TIMP4: variants seen among roughly 807,000 people sequenced by gnomAD.
The protein encoded by TIMP4 is TIMP metallopeptidase inhibitor 4, also known as metalloproteinase inhibitor 4.
A neutral mutation model predicts 27.3 loss-of-function variants in TIMP4; 28 were observed. The ratio of observed to expected loss-of-function variants is 1.03; its 90% CI spans 0.76 to 1.41. The LOEUF (loss-of-function observed/expected upper bound fraction) is 1.41, where lower values mean the gene tolerates loss of function less well. TIMP4 is among the 40% of genes most tolerant of loss of function. The probability of loss-of-function intolerance (pLI) is 0.00; values close to 1 mark genes in which losing one functional copy is unlikely to be tolerated. For missense variants in TIMP4, 307 were observed against 285.5 expected, an observed-to-expected ratio of 1.08 and a Z score of -0.54; for synonymous variants, 138 against 115.5, an observed-to-expected ratio of 1.20 and a Z score of -1.25.
chr3:12,158,804 G>A lies in TIMP4; in HGVS notation c.37C>T (p.Leu13=). 6.2e-7 allele frequency: 1 copy of A among 1,601,392 alleles called. No individual in the cohort carries two copies. Among genetic ancestry groups the A allele is most frequent in the Non-Finnish European group, 8.5e-7 (1 of 1,177,322 alleles). ...AGCAACGCCAGCAGCCGCAGCAACA[G>A]CACCCAGCTTGGCGCGGGCCGAGGG... The part of the protein sequence containing the change: ...GSPRPAPSWV[L]LLRLLALLRP... Residue 13 remains leucine, a synonymous_variant, in exon 1 of 5, where the codon CTG becomes TTG. Coordinates refer to ENST00000287814, the MANE Select transcript of TIMP4 (RefSeq NM_003256.4).
chr3:12,158,629 T>A, intron 1 of TIMP4, 73 bp downstream of exon 1: 1 of 1,584,486 alleles, frequency 6.3e-7, no homozygotes, highest in Non-Finnish European at 8.6e-7. Context: ...TCTGGACTCC[T>A]GGTGTACTGC....
Position 12,153,472 on chromosome 3 carries a change from A to G in TIMP4, c.*43T>C, listed in dbSNP as rs1245112129. The G allele has an allele frequency of 6.2e-7, 1 of 1,606,620 alleles. No homozygotes were observed. Among genetic ancestry groups the G allele is most frequent in the Non-Finnish European group, 8.5e-7 (1 of 1,175,080 alleles). ...TCTGCAGGGAAGGAGAACTGGCTTG[A>G]TCTTCAGGACTCTTGAAGGGATGTG... On this transcript the variant is annotated 3_prime_UTR_variant, in exon 5 of 5. Transcript: ENST00000287814.
Position 12,158,788 on chromosome 3 carries a change from A to T in TIMP4, c.53T>A (p.Leu18Gln). ...CAGCCCCGGGGGCCGCAGCAACGCC[A>T]GCAGCCGCAGCAACAGCACCCAGCT... ...APSWVLLLRL[L>Q]ALLRPPGLGE... The change falls in exon 1 of 5, where the codon CTG (leucine) becomes CAG (glutamine). Residue 18 changes from leucine to glutamine, a missense_variant. Physicochemically the swap from Leu to Gln is moderately radical, Grantham distance 113 (BLOSUM62 -2). Transcript: ENST00000287814. 2 of 1,602,882 alleles carry T rather than the reference A, an allele frequency of 1.2e-6. No homozygotes were observed. The highest frequency in any genetic ancestry group is 1.7e-6 in the Non-Finnish European group (2 of 1,178,082).
At position 12,154,418 on chromosome 3, in the gene TIMP4, T is replaced by C; in HGVS notation, c.386A>G (p.His129Arg). Residue 129 changes from histidine to arginine, a missense_variant, in exon 4 of 5, where the codon CAT becomes CGT. By Grantham distance (29) the His-to-Arg change is conservative. Transcript: ENST00000287814. ...CCAGGGCTCGATGTAGTTGCACAGA[T>C]GGATGAAGACTTTTCCATCACTGAG... ...QVLSDGKVFI[H>R]LCNYIEPWED... The C allele has an allele frequency of 6.2e-7, 1 of 1,614,116 alleles. No individual in the cohort carries two copies. Among genetic ancestry groups the C allele is most frequent in the Non-Finnish European group, 8.5e-7 (1 of 1,180,016 alleles).
intron 3 of TIMP4, among the ~76,000 whole-genome samples, chr3:12,155,538 AGC>A (rs1167837278): frequency 6.6e-6 from 1 of 152,194 alleles, no homozygotes; most frequent in East Asian, 1.9e-4. Flanking sequence ...AACCACAGGT[AGC>A]TGAGTTCAGT....
intron 2 of TIMP4, 50 bp downstream of exon 2, chr3:12,157,335 C>T (rs1697487388): frequency 6.4e-7 from 1 of 1,574,454 alleles, no homozygotes; most frequent in Non-Finnish European, 8.7e-7. Context: ...ACAGACTCCA[C>T]TTTCTCCATC....
chr3:12,155,290 T>C (rs1348139659), intron 3 of TIMP4, among the ~76,000 whole-genome samples: 1 of 152,252 alleles, frequency 6.6e-6, no homozygotes, highest in Non-Finnish European at 1.5e-5. Flanking sequence ...AGGGAAAAAT[T>C]ACACTATTGT....
At chr3:12,154,224 C>A in intron 4 of TIMP4, 103 bp downstream of exon 4, 1 of 1,517,494 alleles carries the variant, frequency 6.6e-7, no homozygotes. Flanking sequence ...TCATACAGTG[C>A]AGATCTCAAG....
Position 12,153,356 on chromosome 3 carries a change from TG to T in TIMP4, c.*158del. The T allele has an allele frequency of 2.4e-6, 2 of 821,254 alleles. No homozygotes were observed. Among genetic ancestry groups the T allele is most frequent in the Non-Finnish European group, 4.0e-6 (2 of 502,244 alleles). The allele number at this position is 821,254 out of a possible 1,614,324, so 50.9% of individuals were successfully genotyped here. ...GGCTGAGGGCAGGGCAGAAAAGTCA[TG>T]GCCCCTTCCCTGCCTTGACAGTGGC... On this transcript the variant is annotated 3_prime_UTR_variant, in exon 5 of 5. Transcript: ENST00000287814.
At chr3:12,158,568 A>G (rs1427544487) in intron 1 of TIMP4, 134 bp downstream of exon 1, 10 of 1,358,090 alleles carry the variant, frequency 7.4e-6, no homozygotes, top group Non-Finnish European at 1.0e-5. Flanking sequence ...TTCTCCACCC[A>G]TCAGCCTCAG....
In TIMP4 at chr3:12,153,511, C is replaced by T; in HGVS notation, c.*4G>A. ...TGAAGGGATGTGATGGTCACTGGTC[C>T]CTACTAGGGCTGAACGATGTCAACA... is the stretch of plus-strand genomic sequence containing the variant. On this transcript the variant is annotated 3_prime_UTR_variant, in exon 5 of 5. Coordinates refer to ENST00000287814, the MANE Select transcript of TIMP4 (RefSeq NM_003256.4). 1 of 1,612,952 alleles carries T rather than the reference C, an allele frequency of 6.2e-7. No homozygotes were observed. Among genetic ancestry groups the T allele is most frequent in the Non-Finnish European group, 8.5e-7 (1 of 1,179,996 alleles).
chr3:12,153,433 G>A lies in TIMP4; in HGVS notation c.*82C>T. 1 of 1,507,908 alleles carries A rather than the reference G, an allele frequency of 6.6e-7. No homozygotes were observed. The highest frequency in any genetic ancestry group is 9.2e-7 in the Non-Finnish European group (1 of 1,086,300). 93.4% of individuals were successfully genotyped at this position (1,507,908 alleles called of 1,614,324 possible). On this transcript the variant is annotated 3_prime_UTR_variant, in exon 5 of 5. Coordinates refer to ENST00000287814, the MANE Select transcript of TIMP4 (RefSeq NM_003256.4). ...TTAGCTGGCAGCAAGAGGTCAGGTGGTAATGGCCAAAGCTCTGCAGGGAAG... is the reference window on the plus strand; with the variant it reads ...TTAGCTGGCAGCAAGAGGTCAGGTGATAATGGCCAAAGCTCTGCAGGGAAG...
intron 4 of TIMP4, among the ~76,000 whole-genome samples, chr3:12,153,980 A>G (rs1697379453): frequency 1.3e-5 from 2 of 152,320 alleles, no homozygotes; most frequent in South Asian, 4.1e-4. Flanking sequence ...CAGAGCTTTC[A>G]TTTCTTCACC....
At chr3:12,157,360 C>T in intron 2 of TIMP4, 25 bp downstream of exon 2, 8 of 1,608,282 alleles carry the variant, frequency 5.0e-6, no homozygotes, top group Non-Finnish European at 6.8e-6. Context: ...TTAGGGGCTA[C>T]ACATCCCAGC....
chr3:12,158,894 A>G lies in TIMP4; in HGVS notation c.-54T>C, dbSNP rs113012385. 3 of 1,468,136 alleles carry G rather than the reference A, an allele frequency of 2.0e-6. No homozygotes were observed. Among genetic ancestry groups the G allele is most frequent in the Non-Finnish European group, 2.7e-6 (3 of 1,111,548 alleles). The allele number at this position is 1,468,136 out of a possible 1,614,324, so 90.9% of individuals were successfully genotyped here. On this transcript the variant is annotated 5_prime_UTR_variant, in exon 1 of 5. Transcript: ENST00000287814. ...GAGGTCTGGGGGACTGGACGGCCCC[A>G]GCAGGGCTCCTTCCCAAGGCCGTTG...
At position 12,158,820 on chromosome 3, in the gene TIMP4, G is replaced by A. The variant is rs368358494; in HGVS notation, c.21C>T (p.Pro7=). Residue 7 remains proline (P), a synonymous_variant, in exon 1 of 5, where the codon CCC becomes CCT. Coordinates refer to ENST00000287814, the MANE Select transcript of TIMP4 (RefSeq NM_003256.4). The part of the protein sequence containing the change: MPGSPR[P]APSWVLLLRL... ...GCAGCAACAGCACCCAGCTTGGCGC[G>A]GGCCGAGGGCTCCCAGGCATGACAC... The A allele has an allele frequency of 1.0e-5, 16 of 1,594,528 alleles. 1 individual carries two copies. Among genetic ancestry groups the A allele is most frequent in the Middle Eastern group, 3.4e-4 (2 of 5,908 alleles).
chr3:12,155,266 G>A (rs1192757446), intron 3 of TIMP4, among the ~76,000 whole-genome samples: 1 of 152,324 alleles, frequency 6.6e-6, no homozygotes, highest in East Asian at 1.9e-4. Context: ...AATGAGTAGG[G>A]TAGATGGATA....
At chr3:12,157,911 A>G (rs1309696706) in intron 1 of TIMP4, among the ~76,000 whole-genome samples, 1 of 152,176 alleles carries the variant, frequency 6.6e-6, no homozygotes, top group African/African-American at 2.4e-5. Flanking sequence ...TTGAATTCAT[A>G]AATGTTCTGA....
At chr3:12,157,631 G>C (rs1697497626) in intron 1 of TIMP4, 149 bp from the exon 2 acceptor site, 1 of 695,614 alleles carries the variant, frequency 1.4e-6, no homozygotes, top group Non-Finnish European at 2.5e-6. Flanking sequence ...GTGTGAGAAG[G>C]GGGACCTGGA....
Sources: gnomAD v4.1 joint callset for allele counts (sites outside exome capture counted in the v4.1 genomes callset) on GRCh38, gnomAD v4.1.1 for gene constraint, MANE v1.5 for transcripts, NCBI Gene and HGNC (gene_info 2026-07-23, HGNC 2026-07-21) for gene names.